KCNK1: variants seen among roughly 807,000 people sequenced by gnomAD.
KCNK1 encodes the protein potassium two pore domain channel subfamily K member 1.
A neutral mutation model predicts 22.2 loss-of-function variants in KCNK1; 10 were observed. The ratio of observed to expected loss-of-function variants is 0.45; its 90% CI spans 0.28 to 0.76. The LOEUF is 0.76. Ranked by LOEUF, KCNK1 falls within the 30% of genes least tolerant of loss-of-function variation. The probability of loss-of-function intolerance (pLI) is 0.14; values close to 1 mark genes in which losing one functional copy is unlikely to be tolerated. For synonymous variants in KCNK1, 200 were observed against 186.4 expected, an observed-to-expected ratio of 1.07 and a Z score of -0.60; for missense variants, 378 against 421.0, an observed-to-expected ratio of 0.90 and a Z score of 0.89.
intron 1 of KCNK1, among the ~76,000 whole-genome samples, chr1:233,664,178 A>G (rs1006435185): frequency 3.3e-5 from 5 of 151,920 alleles, no homozygotes; most frequent in Non-Finnish European, 7.4e-5. Context: ...TTCAGATTCT[A>G]TTTCCAGATC....
rs539604489 is a variant in KCNK1 at position 233,635,050 on chromosome 1, G to A, written c.355+20524G>A. Among the ~76,000 whole-genome samples, 9 of 152,266 alleles carry A rather than the reference G, an allele frequency of 5.9e-5. No homozygotes were observed. The South Asian group carries it at 1.5e-3, about 25-fold the overall frequency. On this transcript the variant is annotated intron_variant, in intron 1 of 2. Transcript: ENST00000366621. Reference sequence around the variant, plus strand: ...AATTCTCTAGTCCAACCTATGGACCGCTTAGGCCAATTCTTTAAAACAGAA... The same window carrying A: ...AATTCTCTAGTCCAACCTATGGACCACTTAGGCCAATTCTTTAAAACAGAA...
At chr1:233,619,618 T>C (rs1657542870) in intron 1 of KCNK1, among the ~76,000 whole-genome samples, 1 of 151,944 alleles carries the variant, frequency 6.6e-6, no homozygotes, top group South Asian at 2.1e-4. Context: ...GCTTTTAGAA[T>C]AGAGTGAAGT....
chr1:233,644,169 G>C (rs370550405), intron 1 of KCNK1, among the ~76,000 whole-genome samples: 2 of 152,108 alleles, frequency 1.3e-5, no homozygotes, highest in Admixed American at 1.3e-4. Context: ...GCAGAAGAGC[G>C]CTAGAATAAA....
chr1:233,671,169 T>G (rs1457137468), intron 2 of KCNK1, 102 bp from the exon 3 acceptor site: 18 of 1,096,870 alleles, frequency 1.6e-5, no homozygotes, highest in Non-Finnish European at 2.1e-5. Context: ...AGTTTATTCC[T>G]TAACAAACAC....
At chr1:233,627,155 A>T (rs681828) in intron 1 of KCNK1, among the ~76,000 whole-genome samples, 1 of 151,878 alleles carries the variant, frequency 6.6e-6, no homozygotes, top group Admixed American at 6.5e-5. Context: ...TTTTTACTGC[A>T]TTGTTGCTTT....
intron 1 of KCNK1, among the ~76,000 whole-genome samples, chr1:233,639,760 T>A (rs1323092852): frequency 2.0e-5 from 3 of 152,192 alleles, no homozygotes; most frequent in African/African-American, 7.2e-5. Flanking sequence ...GGTTTGCATG[T>A]TTGCTCATTT....
intron 1 of KCNK1, among the ~76,000 whole-genome samples, chr1:233,615,481 C>T (rs1308911163): frequency 6.6e-6 from 1 of 152,206 alleles, no homozygotes; most frequent in African/African-American, 2.4e-5. Flanking sequence ...GTGGAGATAT[C>T]AATTGGTATT....
At chr1:233,640,303 G>A (rs555840564) in intron 1 of KCNK1, among the ~76,000 whole-genome samples, 4 of 152,240 alleles carry the variant, frequency 2.6e-5, no homozygotes, top group East Asian at 1.9e-4. Flanking sequence ...CTTAACTGCC[G>A]AGACTGACTT....
At chr1:233,631,583 C>G in intron 1 of KCNK1, 1 of 293,606 alleles carries the variant, frequency 3.4e-6, no homozygotes, top group Non-Finnish European at 6.7e-6. Context: ...GTTACCCTAC[C>G]CTCACTCATC....
chr1:233,616,378 G>A lies in KCNK1; in HGVS notation c.355+1852G>A, dbSNP rs146614793. ...TTAACATCATATTGTCTAATTAAAT[G>A]TTAAAAATTAGTTTATAATCTTGAA... On this transcript the variant is annotated intron_variant, in intron 1 of 2. Transcript: ENST00000366621. Among the ~76,000 whole-genome samples, 593 of 152,270 alleles carry A rather than the reference G, an allele frequency of 3.9e-3. 4 individuals carry two copies. Among genetic ancestry groups the A allele is most frequent in the African/African-American group, 0.013 (548 of 41,564 alleles).
At chr1:233,657,642 A>AAAGG (rs1658321161) in intron 1 of KCNK1, among the ~76,000 whole-genome samples, 1 of 152,018 alleles carries the variant, frequency 6.6e-6, no homozygotes, top group Non-Finnish European at 1.5e-5. Flanking sequence ...GAAAAGAAAG[A>AAAGG]AAAAAGAAAA....
intron 1 of KCNK1, among the ~76,000 whole-genome samples, chr1:233,638,126 G>A (rs1036160697): frequency 3.3e-5 from 5 of 151,978 alleles, no homozygotes; most frequent in African/African-American, 1.2e-4. Context: ...ACCTTTGTTA[G>A]CTTATATGTC....
chr1:233,623,577 GA>G (rs944851783), intron 1 of KCNK1, among the ~76,000 whole-genome samples: 6 of 152,318 alleles, frequency 3.9e-5, no homozygotes, highest in African/African-American at 1.2e-4. Context: ...GTTTTAAAAA[GA>G]AGAAAGAAAC....
At chr1:233,615,532 C>T (rs769322709) in intron 1 of KCNK1, among the ~76,000 whole-genome samples, 15 of 152,156 alleles carry the variant, frequency 9.9e-5, no homozygotes, top group Non-Finnish European at 2.1e-4. Context: ...CAGCACAGTC[C>T]CTTCTTTTGA....
chr1:233,639,316 A>G (rs968609723), intron 1 of KCNK1, among the ~76,000 whole-genome samples: 3 of 152,264 alleles, frequency 2.0e-5, no homozygotes, highest in African/African-American at 7.2e-5. Context: ...AGACAAGAAC[A>G]TGGATCTAGT....
chr1:233,632,649 C>G (rs1657821560), intron 1 of KCNK1, among the ~76,000 whole-genome samples: 1 of 152,122 alleles, frequency 6.6e-6, no homozygotes, highest in African/African-American at 2.4e-5. Flanking sequence ...GTGTGTGCTG[C>G]ACACTGGATG....
At chr1:233,620,661 A>G (rs558260836) in intron 1 of KCNK1, among the ~76,000 whole-genome samples, 4 of 152,326 alleles carry the variant, frequency 2.6e-5, no homozygotes, top group African/African-American at 7.2e-5. Context: ...CCAAAATCCC[A>G]TATTCTGATG....
At chr1:233,618,811 G>C (rs1328590570) in intron 1 of KCNK1, among the ~76,000 whole-genome samples, 1 of 152,078 alleles carries the variant, frequency 6.6e-6, no homozygotes, top group East Asian at 1.9e-4. Context: ...TTGAACCCGG[G>C]AGGCGGAGGT....
In KCNK1 at chr1:233,666,539, C is replaced by G. The variant is rs149492220; in HGVS notation, c.356-56C>G. 2.0e-6 allele frequency: 3 copies of G among 1,516,554 alleles called. No individual in the cohort carries two copies. The African/African-American group carries it at 4.2e-5, about 21-fold the overall frequency. 93.9% of individuals were successfully genotyped at this position (1,516,554 alleles called of 1,614,324 possible). ...ATGATAGGCATATATTGTTTAAAAA[C>G]GTGTTTGCCACTTTGTCTCTTCCTC... On this transcript the variant is annotated intron_variant, in intron 1 of 2. Transcript: ENST00000366621.
Sources: gnomAD v4.1 joint callset for allele counts (sites outside exome capture counted in the v4.1 genomes callset) on GRCh38, gnomAD v4.1.1 for gene constraint, MANE v1.5 for transcripts, NCBI Gene and HGNC (gene_info 2026-07-23, HGNC 2026-07-21) for gene names.